MMP28: variants seen among roughly 807,000 people sequenced by gnomAD.
MMP28 encodes matrix metallopeptidase 28, also known as matrix metalloproteinase-28.
A neutral mutation model predicts 60.5 loss-of-function variants in MMP28; 55 were observed. That is an observed-to-expected ratio of 0.91 (90% confidence interval 0.73 to 1.14). The LOEUF (loss-of-function observed/expected upper bound fraction) is 1.14, where lower values mean the gene tolerates loss of function less well. Ranked by LOEUF, MMP28 falls within the 50% of genes most tolerant of loss-of-function variation. The pLI, the probability that MMP28 is intolerant of heterozygous loss-of-function variation, is 0.00. For synonymous variants in MMP28, 318 were observed against 312.5 expected (o/e 1.02, Z -0.18); for missense variants, 686 against 738.3 (o/e 0.93, Z 0.82).
chr17:35,765,755 C>T (rs1038813039), downstream of MMP28: 2 of 746,800 alleles, frequency 2.7e-6, no homozygotes, highest in African/African-American at 3.8e-5. Flanking sequence ...CACACACACA[C>T]AGCTGCCTAG....
At chr17:35,788,042 A>T (rs2086705491) in intron 1 of MMP28, among the ~76,000 whole-genome samples, 1 of 151,236 alleles carries the variant, frequency 6.6e-6, no homozygotes, top group African/African-American at 2.4e-5. Flanking sequence ...AGTAGCTCGG[A>T]CTACAGGCAT....
chr17:35,792,792 A>G (rs899381853), intron 1 of MMP28, among the ~76,000 whole-genome samples: 6 of 152,318 alleles, frequency 3.9e-5, no homozygotes, highest in Non-Finnish European at 5.9e-5. Context: ...CACTGAGAGC[A>G]ACTTCCTTTT....
At chr17:35,781,154 CAGAG>C (rs547762103) in intron 1 of MMP28, among the ~76,000 whole-genome samples, 45 of 152,268 alleles carry the variant, frequency 3.0e-4, no homozygotes, top group African/African-American at 1.1e-3. Flanking sequence ...GAGATGAAGT[CAGAG>C]AGAGAGGCAG....
intron 6 of MMP28, 21 bp downstream of exon 6, chr17:35,768,209 G>A (rs1319325562): frequency 3.2e-6 from 5 of 1,582,884 alleles, no homozygotes; most frequent in Non-Finnish European, 4.3e-6. Context: ...AAGAAGCAAA[G>A]CACCAGTGGG....
intron 2 of MMP28, among the ~76,000 whole-genome samples, chr17:35,759,847 G>A (rs2085786143): frequency 6.6e-6 from 1 of 152,194 alleles, no homozygotes; most frequent in Admixed American, 6.5e-5. Context: ...AGGCAAACAG[G>A]CCAAAGTTGC....
intron 1 of MMP28, among the ~76,000 whole-genome samples, chr17:35,794,853 T>C (rs1017540881): frequency 1.3e-5 from 2 of 152,190 alleles, no homozygotes; most frequent in Non-Finnish European, 1.5e-5. Flanking sequence ...GCCAGCGCTG[T>C]GTCCCGCGTC....
chr17:35,795,257 C>A lies in MMP28; in HGVS notation c.111+10G>T. ...CACGCACCGCTCTCCGCCAGGTACA[C>A]ACGGCGTACCTCCGCCTCCTTGCGC... is the stretch of plus-strand genomic sequence containing the variant. On this transcript the variant is annotated intron_variant, in intron 1 of 7. Coordinates refer to ENST00000605424, the MANE Select transcript of MMP28 (RefSeq NM_024302.5). 7.1e-7 allele frequency: 1 copy of A among 1,404,098 alleles called. No individual in the cohort carries two copies. The highest frequency in any genetic ancestry group is 1.6e-5 in the South Asian group (1 of 63,146). The allele number at this position is 1,404,098 out of a possible 1,614,324, so 87.0% of individuals were successfully genotyped here. A position where few individuals can be genotyped will look rare whatever the true frequency, so the allele number is the denominator to read the frequency against.
At chr17:35,777,813 C>T (rs543274611) in intron 3 of MMP28, among the ~76,000 whole-genome samples, 20 of 152,346 alleles carry the variant, frequency 1.3e-4, no homozygotes, top group African/African-American at 4.8e-4. Context: ...CTTTGGGAGG[C>T]CAAGGCGGGT....
At chr17:35,765,461 C>T (rs2085915578), downstream of MMP28, among the ~76,000 whole-genome samples, 1 of 152,196 alleles carries the variant, frequency 6.6e-6, no homozygotes, top group Admixed American at 6.5e-5. Flanking sequence ...GGAGCTGGTT[C>T]CTTCTCCAGG....
At chr17:35,764,697 G>T, downstream of MMP28, 1 of 1,439,908 alleles carries the variant, frequency 6.9e-7, no homozygotes, top group African/African-American at 1.5e-5. Flanking sequence ...CTTGGAGCGC[G>T]GAGCCCTCTT....
chr17:35,758,663 T>G (rs1015970419), intron 2 of MMP28, among the ~76,000 whole-genome samples: 13 of 151,882 alleles, frequency 8.6e-5, no homozygotes, highest in African/African-American at 3.1e-4. Context: ...CTGTACTCCA[T>G]CCTGGGCAAC....
chr17:35,781,032 G>A (rs961054233), intron 1 of MMP28, among the ~76,000 whole-genome samples: 3 of 152,138 alleles, frequency 2.0e-5, no homozygotes, highest in Non-Finnish European at 2.9e-5. Flanking sequence ...GGGAAAGGGT[G>A]TTCCAGACAG....
intron 1 of MMP28, 112 bp downstream of exon 1, chr17:35,795,155 G>C: frequency 1.6e-6 from 1 of 643,628 alleles, no homozygotes; most frequent in South Asian, 3.7e-5. Flanking sequence ...GGAGGACAGG[G>C]GTAGGGTAAC....
At position 35,766,420 on chromosome 17, in the gene MMP28, T is replaced by C; in HGVS notation, c.*80A>G. 2 of 1,451,062 alleles carry C rather than the reference T, an allele frequency of 1.4e-6. No individual in the cohort carries two copies. Among genetic ancestry groups the C allele is most frequent in the Non-Finnish European group, 1.8e-6 (2 of 1,102,212 alleles). The allele number at this position is 1,451,062 out of a possible 1,614,324, so 89.9% of individuals were successfully genotyped here. A position where few individuals can be genotyped will look rare whatever the true frequency, so the allele number is the denominator to read the frequency against. ...TTCTGCAGAGGGACTCAGAGGCTTC[T>C]AAGAGGGGTTCTGCCCCGGGGGTGG... On this transcript the variant is annotated 3_prime_UTR_variant, in exon 8 of 8. Transcript: ENST00000605424. This position sits in a 1 kb window ranked among gnomAD's most constrained non-coding sequence, Gnocchi z 4.3.
intron 3 of MMP28, among the ~76,000 whole-genome samples, chr17:35,777,059 T>G (rs2143396299): frequency 6.6e-6 from 1 of 152,304 alleles, no homozygotes; most frequent in East Asian, 1.9e-4. Flanking sequence ...TGCCCCACTT[T>G]CCACTGCATT....
At chr17:35,773,117 C>T (rs1407573076) in intron 4 of MMP28, 63 bp downstream of exon 4, 3 of 1,507,902 alleles carry the variant, frequency 2.0e-6, no homozygotes, top group Non-Finnish European at 2.7e-6. Flanking sequence ...TTGCCACCCC[C>T]AAACTGCTTC....
intron 3 of MMP28, among the ~76,000 whole-genome samples, chr17:35,776,484 A>C (rs778169813): frequency 2.0e-5 from 3 of 152,138 alleles, no homozygotes; most frequent in Non-Finnish European, 4.4e-5. Flanking sequence ...CTGCCAGATA[A>C]GTTTCTTTTT....
At chr17:35,789,306 G>A (rs1465281714) in intron 1 of MMP28, among the ~76,000 whole-genome samples, 1 of 152,206 alleles carries the variant, frequency 6.6e-6, no homozygotes, top group African/African-American at 2.4e-5. Flanking sequence ...CAGTGTTAGA[G>A]CTAGAGAGAA....
chr17:35,776,837 T>C (rs1468210349), intron 3 of MMP28, among the ~76,000 whole-genome samples: 3 of 151,984 alleles, frequency 2.0e-5, no homozygotes, highest in African/African-American at 7.3e-5. Flanking sequence ...TGCAGTCACC[T>C]GAGATTGCGC....
Sources: gnomAD v4.1 joint callset for allele counts (sites outside exome capture counted in the v4.1 genomes callset) on GRCh38, gnomAD v4.1.1 for gene constraint, Gnocchi (gnomAD v3.1) non-coding constraint, MANE v1.5 for transcripts, NCBI Gene and HGNC (gene_info 2026-07-23, HGNC 2026-07-21) for gene names.